Variants in TFB1M observed in about 807,000 individuals in gnomAD.
TFB1M encodes the protein transcription factor B1, mitochondrial, also known as dimethyladenosine transferase 1, mitochondrial.
A neutral mutation model predicts 31.1 loss-of-function variants in TFB1M; 27 were observed. The ratio of observed to expected loss-of-function variants is 0.87; its 90% CI spans 0.64 to 1.20. The LOEUF is 1.20. Ranked by LOEUF, TFB1M falls within the 50% of genes most tolerant of loss-of-function variation. The pLI, the probability that TFB1M is intolerant of heterozygous loss-of-function variation, is 0.00. For missense variants in TFB1M, 394 were observed against 418.7 expected, an observed-to-expected ratio of 0.94 and a Z score of 0.51; for synonymous variants, 166 against 151.8, an observed-to-expected ratio of 1.09 and a Z score of -0.69.
At chr6:155,303,203 T>C (rs1056573218) in intron 2 of TFB1M, 1 of 152,172 alleles carries the variant, frequency 6.6e-6, no homozygotes, top group Non-Finnish European at 1.5e-5. Context: ...CCTTCTTCCT[T>C]AGGCCAATGT....
At chr6:155,299,782 C>G (rs191821374) in intron 2 of TFB1M, among the ~76,000 whole-genome samples, 44 of 152,224 alleles carry the variant, frequency 2.9e-4, no homozygotes, top group African/African-American at 8.4e-4. Context: ...ACTCATACAA[C>G]CAAGAGGGAG....
At chr6:155,250,962 G>T in the TFB1M span, 1 of 1,614,164 alleles carries the variant, frequency 6.2e-7, no homozygotes, top group Non-Finnish European at 8.5e-7. Context: ...ACGGTTTCCT[G>T]GTTGAATCCA....
rs1784156137 is a variant in TFB1M, at chr6:155,257,655, G to A, written c.*181C>T. Reference sequence around the variant, plus strand: ...TACAGTATATATTAAAAGAAAGCTTGTACTGTATCTTATTTGATGATATTT... The same window carrying A: ...TACAGTATATATTAAAAGAAAGCTTATACTGTATCTTATTTGATGATATTT... On this transcript the variant is annotated 3_prime_UTR_variant, in exon 7 of 7. Coordinates refer to ENST00000367166, the MANE Select transcript of TFB1M (RefSeq NM_016020.4). 4.2e-5 allele frequency: 27 copies of A among 650,348 alleles called. No individual in the cohort carries two copies. In the South Asian group the frequency reaches 4.4e-4, roughly 11 times the overall value. 40.3% of individuals were successfully genotyped at this position (650,348 alleles called of 1,614,324 possible).
At chr6:155,302,845 C>T (rs1777493863) in intron 2 of TFB1M, among the ~76,000 whole-genome samples, 1 of 152,128 alleles carries the variant, frequency 6.6e-6, no homozygotes, top group Non-Finnish European at 1.5e-5. Flanking sequence ...AATTGACTCA[C>T]AGTTCAGCAT....
chr6:155,302,243 C>A (rs1368791010), intron 2 of TFB1M, among the ~76,000 whole-genome samples: 1 of 152,144 alleles, frequency 6.6e-6, no homozygotes, highest in African/African-American at 2.4e-5. Context: ...ACTGTAGTTA[C>A]GTTAATTATC....
chr6:155,280,165 T>C (rs965537509), intron 5 of TFB1M, among the ~76,000 whole-genome samples: 1 of 152,116 alleles, frequency 6.6e-6, no homozygotes, highest in Non-Finnish European at 1.5e-5. Flanking sequence ...TCCAAGCAAC[T>C]GCGGCAGAGA....
intron 4 of TFB1M, among the ~76,000 whole-genome samples, chr6:155,290,618 C>T (rs995827871): frequency 5.9e-5 from 9 of 151,936 alleles, no homozygotes; most frequent in Non-Finnish European, 7.4e-5. Flanking sequence ...ATGGTGAAGT[C>T]GAAGCAACAC....
rs371995795 is a variant in TFB1M, at chr6:155,261,174, A to T, written c.667-774T>A. Among the ~76,000 whole-genome samples the T allele has an allele frequency of 2.6e-4, 40 of 152,392 alleles. No individual in the cohort carries two copies. In the South Asian group the frequency reaches 7.4e-3, roughly 28 times the overall value. Reference sequence around the variant, plus strand: ...TACCAAAGGAAAAACATTTAAAGACAGAGGGAAATGGATTCAAAACAGTAA... The same window carrying T: ...TACCAAAGGAAAAACATTTAAAGACTGAGGGAAATGGATTCAAAACAGTAA... On this transcript the variant is annotated intron_variant, in intron 5 of 6. Transcript: ENST00000367166.
chr6:155,243,517 A>G, the TFB1M span, among the ~76,000 whole-genome samples: 2 of 152,170 alleles, frequency 1.3e-5, no homozygotes, highest in African/African-American at 2.4e-5. Context: ...AACTCTTTGA[A>G]TTAGGTGAGC....
chr6:155,257,433 C>A lies in TFB1M; in HGVS notation c.*403G>T, dbSNP rs779291855. Reference sequence around the variant, plus strand: ...GTGGAAAAAGTAAGGCTGGGGAAGTCGTGATTAATAGTTTTCAAAGGGCCA... The same window carrying A: ...GTGGAAAAAGTAAGGCTGGGGAAGTAGTGATTAATAGTTTTCAAAGGGCCA... On this transcript the variant is annotated 3_prime_UTR_variant, in exon 7 of 7. Transcript: ENST00000367166. The A allele has an allele frequency of 2.9e-6, 1 of 350,780 alleles. No homozygotes were observed. The highest frequency in any genetic ancestry group is 4.6e-5 in the Admixed American group (1 of 21,662). 21.7% of individuals were successfully genotyped at this position (350,780 alleles called of 1,614,324 possible).
At chr6:155,254,676 C>T (rs1472351610), downstream of TFB1M, 6 of 1,420,270 alleles carry the variant, frequency 4.2e-6, no homozygotes, top group Non-Finnish European at 5.8e-6. Context: ...CTTTGTAAGT[C>T]ATCGAGGTAC....
chr6:155,256,667 A>G lies in TFB1M; in HGVS notation c.*1169T>C. On this transcript the variant is annotated 3_prime_UTR_variant, in exon 7 of 7. Transcript: ENST00000367166. ...AGCACTTCTCCCGGGAAATACCCAC[A>G]CCCCGGCTTGGCAGATTTTGCCGAC... The G allele has an allele frequency of 6.2e-7, 1 of 1,614,134 alleles. No homozygotes were observed.
In TFB1M at chr6:155,257,888, T is replaced by TTTC. The variant is rs1462117841; in HGVS notation, c.986_988dup (p.Arg329dup). On this transcript the variant is annotated inframe_insertion, in exon 7 of 7. Transcript: ENST00000367166. ...CTCTTCTTTTTCTTCATTTTTGCTTTTTCTTCGCTTGAGTTCTTCTCTGAA... is the reference window on the plus strand; with the variant it reads ...CTCTTCTTTTTCTTCATTTTTGCTTTTTCTTCTTCGCTTGAGTTCTTCTCTGAA... The TTTC allele has an allele frequency of 6.2e-6, 10 of 1,614,230 alleles. No individual in the cohort carries two copies. The highest frequency in any genetic ancestry group is 7.6e-6 in the Non-Finnish European group (9 of 1,180,036).
intron 2 of TFB1M, chr6:155,310,907 A>T (rs1203986108): frequency 9.0e-6 from 2 of 223,344 alleles, no homozygotes; most frequent in Admixed American, 6.0e-5. Context: ...TAGCAGACTT[A>T]AAAAAAAAAA....
the TFB1M span, among the ~76,000 whole-genome samples, chr6:155,239,716 T>C: frequency 6.6e-6 from 1 of 152,156 alleles, no homozygotes; most frequent in Non-Finnish European, 1.5e-5. Flanking sequence ...GGAGCGAGTA[T>C]TTCCTCTGAG....
chr6:155,280,567 CA>C (rs1785450256), intron 5 of TFB1M, among the ~76,000 whole-genome samples: 1 of 152,162 alleles, frequency 6.6e-6, no homozygotes, highest in East Asian at 1.9e-4. Flanking sequence ...CTTGTCAATA[CA>C]TCACCTTTAT....
the TFB1M span, chr6:155,245,754 A>ATTTTTT: frequency 9.8e-4 from 551 of 561,986 alleles, no homozygotes; most frequent in Non-Finnish European, 1.2e-3. Flanking sequence ...TGCCTTTTAT[A>ATTTTTT]GTTTTTTTTT....
At chr6:155,272,723 A>C (rs1378156330) in intron 5 of TFB1M, among the ~76,000 whole-genome samples, 2 of 152,122 alleles carry the variant, frequency 1.3e-5, no homozygotes, top group Non-Finnish European at 2.9e-5. Flanking sequence ...TCTATGCAGA[A>C]AAAAAAGCAT....
Position 155,260,332 on chromosome 6 carries a change from C to T in TFB1M, c.735G>A (p.Val245=). 1.9e-6 allele frequency: 3 copies of T among 1,614,192 alleles called. No homozygotes were observed. Among genetic ancestry groups the T allele is most frequent in the Non-Finnish European group, 2.5e-6 (3 of 1,180,024 alleles). Residue 245 remains valine, a synonymous_variant, in exon 6 of 7, where the codon GTG becomes GTA. Transcript: ENST00000367166. ...QPKIEQPFKL[V]EKVVQNVFQF... ...GAAATACATTCTGAACCACTTTTTC[C>T]ACCAGCTTGAATGGCTGCTCTATCT...
Sources: allele counts gnomAD v4.1 joint callset (sites outside exome capture counted in the v4.1 genomes callset), GRCh38; gene constraint gnomAD v4.1.1; transcripts MANE v1.5; gene names NCBI Gene and HGNC (gene_info 2026-07-23, HGNC 2026-07-21).